Variants in KDM4C observed in about 807,000 individuals in gnomAD.
KDM4C encodes lysine-specific demethylase 4C.
KDM4C carries 81 observed loss-of-function variants against 129.3 expected under a neutral mutation model. That is an observed-to-expected ratio of 0.63 (90% CI 0.52 to 0.75). KDM4C has a LOEUF of 0.75. Ranked by LOEUF, KDM4C falls within the 30% of genes least tolerant of loss-of-function variation. The pLI is 0.00. For missense variants in KDM4C, 1,457 were observed against 1,304.0 expected (o/e 1.12, Z -1.81); for synonymous variants, 573 against 456.1 (o/e 1.26, Z -3.26).
Position 6,940,641 on chromosome 9 carries a change from T to C in KDM4C, c.922-40284T>C, listed in dbSNP as rs886121272. On this transcript the variant is annotated intron_variant, in intron 8 of 21. Coordinates refer to ENST00000381309, the MANE Select transcript of KDM4C (RefSeq NM_015061.6). ...TTTATTGAAAGTGGGAAAAAAAACGTAGCCACCATTTAAATATGTAAGTTG... is the reference window on the plus strand; with the variant it reads ...TTTATTGAAAGTGGGAAAAAAAACGCAGCCACCATTTAAATATGTAAGTTG... 9.9e-5 allele frequency among the ~76,000 whole-genome samples: 15 copies of C among 152,186 alleles called. 1 individual carries two copies. The highest frequency in any genetic ancestry group is 8.5e-4 in the Admixed American group (13 of 15,282).
chr9:6,801,427 C>T (rs982399544), intron 2 of KDM4C, among the ~76,000 whole-genome samples: 10 of 150,644 alleles, frequency 6.6e-5, no homozygotes, highest in African/African-American at 2.2e-4. Context: ...TTAGTGGAGA[C>T]GGGGTTTCAC....
At chr9:6,796,601 C>A (rs180759894) in intron 2 of KDM4C, among the ~76,000 whole-genome samples, 110 of 152,322 alleles carry the variant, frequency 7.2e-4, no homozygotes, top group African/African-American at 2.5e-3. Context: ...ACCTGCGTCG[C>A]TGTCTGCATT....
At chr9:6,974,823 T>C (rs949243760) in intron 8 of KDM4C, 5 of 152,194 alleles carry the variant, frequency 3.3e-5, no homozygotes, top group Non-Finnish European at 5.9e-5. Context: ...AAAACAACTT[T>C]ATCTACCCCC....
intron 1 of KDM4C, among the ~76,000 whole-genome samples, chr9:6,780,454 A>C (rs1252527969): frequency 6.6e-6 from 1 of 151,814 alleles, no homozygotes; most frequent in Non-Finnish European, 1.5e-5. Flanking sequence ...TGTTATTAAA[A>C]ACAAACCCAC....
intron 4 of KDM4C, among the ~76,000 whole-genome samples, chr9:6,816,632 C>G (rs1222933657): frequency 6.6e-6 from 1 of 152,182 alleles, no homozygotes; most frequent in Admixed American, 6.5e-5. Flanking sequence ...CCAGCTTACA[C>G]TTCCTATAGC....
intron 4 of KDM4C, among the ~76,000 whole-genome samples, chr9:6,847,625 C>G (rs1233392898): frequency 6.6e-6 from 1 of 152,162 alleles, no homozygotes; most frequent in Non-Finnish European, 1.5e-5. Context: ...CTCCTGACCT[C>G]ATGATCCACC....
At chr9:6,867,111 G>A (rs9792577) in intron 5 of KDM4C, among the ~76,000 whole-genome samples, 87,072 of 149,796 alleles carry the variant, frequency 0.58, 25,812 homozygotes, top group East Asian at 0.8. Flanking sequence ...CGCCTGCCGG[G>A]TTCAAGCAAT....
intron 4 of KDM4C, among the ~76,000 whole-genome samples, chr9:6,826,222 G>T (rs1240899581): frequency 1.3e-5 from 2 of 151,698 alleles, no homozygotes; most frequent in African/African-American, 4.8e-5. Context: ...TGGGTGGTTG[G>T]TGTCCTATTC....
At chr9:7,053,147 C>CT (rs1830439742) in intron 17 of KDM4C, among the ~76,000 whole-genome samples, 1 of 152,128 alleles carries the variant, frequency 6.6e-6, no homozygotes. Flanking sequence ...AAATGTCTTC[C>CT]ATTATATGAA....
At chr9:6,853,728 A>T (rs760207393) in intron 5 of KDM4C, among the ~76,000 whole-genome samples, 1 of 152,200 alleles carries the variant, frequency 6.6e-6, no homozygotes, top group Non-Finnish European at 1.5e-5. Flanking sequence ...GAGTAAGCAG[A>T]TAGAAAACTG....
At chr9:7,151,292 T>C (rs1052403673) in intron 19 of KDM4C, among the ~76,000 whole-genome samples, 2 of 146,488 alleles carry the variant, frequency 1.4e-5, no homozygotes, top group Non-Finnish European at 3.1e-5. Flanking sequence ...GTGTGACTGG[T>C]GGAAAAAAAA....
At chr9:6,970,186 C>T (rs1831718626) in intron 8 of KDM4C, among the ~76,000 whole-genome samples, 1 of 152,188 alleles carries the variant, frequency 6.6e-6, no homozygotes, top group Non-Finnish European at 1.5e-5. Context: ...TCATTTAATT[C>T]AGCCACATCA....
intron 1 of KDM4C, among the ~76,000 whole-genome samples, chr9:6,726,168 C>T (rs1046887338): frequency 6.6e-6 from 1 of 152,146 alleles, no homozygotes; most frequent in Non-Finnish European, 1.5e-5. Context: ...AGGCAATCCG[C>T]CTGCCTCAGC....
intron 12 of KDM4C, among the ~76,000 whole-genome samples, chr9:6,998,056 T>C (rs1820085524): frequency 6.6e-6 from 1 of 152,202 alleles, no homozygotes; most frequent in Admixed American, 6.5e-5. Context: ...TTTTCTCTAA[T>C]CTGAATTTTC....
chr9:7,144,101 GTTTTTTTTTTGT>G (rs1395746738), intron 19 of KDM4C, among the ~76,000 whole-genome samples: 1 of 146,070 alleles, frequency 6.8e-6, no homozygotes, highest in Non-Finnish European at 1.5e-5. Context: ...TCCTCTTTTT[GTTTTTTTTTTGT>G]TTTTGTTTTT....
intron 8 of KDM4C, among the ~76,000 whole-genome samples, chr9:6,967,641 C>T (rs532138855): frequency 7.2e-5 from 11 of 152,106 alleles, no homozygotes; most frequent in Non-Finnish European, 1.2e-4. Context: ...GGGGGCTCAC[C>T]TGCACCTGTA....
At chr9:6,995,269 T>G (rs967820481) in intron 12 of KDM4C, among the ~76,000 whole-genome samples, 1 of 152,160 alleles carries the variant, frequency 6.6e-6, no homozygotes, top group African/African-American at 2.4e-5. Flanking sequence ...CAGTTTGTAT[T>G]TCTGTTGCTT....
At chr9:7,155,401 A>G (rs1843060844) in intron 19 of KDM4C, among the ~76,000 whole-genome samples, 1 of 152,016 alleles carries the variant, frequency 6.6e-6, no homozygotes, top group Non-Finnish European at 1.5e-5. Flanking sequence ...GTACATGTGC[A>G]CAATGTGCAG....
chr9:7,048,087 T>C (rs1321067766), intron 16 of KDM4C, among the ~76,000 whole-genome samples: 1 of 152,102 alleles, frequency 6.6e-6, no homozygotes, highest in Non-Finnish European at 1.5e-5. Flanking sequence ...GTTGATATGA[T>C]TCGCACTATA....
Sources: allele counts gnomAD v4.1 joint callset (sites outside exome capture counted in the v4.1 genomes callset), GRCh38; gene constraint gnomAD v4.1.1; transcripts MANE v1.5; gene names NCBI Gene and HGNC (gene_info 2026-07-23, HGNC 2026-07-21).